Variants in SEMA3G observed in about 807,000 individuals in gnomAD.
SEMA3G encodes semaphorin 3G.
A neutral mutation model predicts 86.2 loss-of-function variants in SEMA3G; 70 were observed. That is an observed-to-expected ratio of 0.81 (90% CI 0.67 to 0.99). SEMA3G has a LOEUF of 0.99. Among genes scored for constraint, SEMA3G ranks in the 50% least tolerant of loss-of-function variants. SEMA3G has a pLI of 0.00. For missense variants in SEMA3G, 1,002 were observed against 1,072.4 expected (o/e 0.93, Z 0.92); for synonymous variants, 416 against 441.4 (o/e 0.94, Z 0.72).
intron 7 of SEMA3G, 74 bp downstream of exon 7, chr3:52,441,190 G>A (rs185127318): frequency 2.6e-6 from 4 of 1,560,128 alleles, no homozygotes; most frequent in East Asian, 2.2e-5. Flanking sequence ...CTGGCCAGGG[G>A]TGGGGGGAGA....
In SEMA3G at chr3:52,435,614, C is replaced by T; in HGVS notation, c.2338G>A (p.Glu780Lys). 1 of 1,611,186 alleles carries T rather than the reference C, an allele frequency of 6.2e-7. No homozygotes were observed. The highest frequency in any genetic ancestry group is 8.5e-7 in the Non-Finnish European group (1 of 1,178,042). Residue 780 changes from glutamate (E) to lysine (K), a missense_variant, in exon 16 of 16, where the codon GAG (glutamate) becomes AAG (lysine). Physicochemically the swap from Glu to Lys is moderately conservative, Grantham distance 56. Coordinates refer to ENST00000231721, the MANE Select transcript of SEMA3G (RefSeq NM_020163.3). ...AEHNRTPREV[E>K]AT ...TCCTCTGCCCCCTTCTACGTGGCCT[C>T]CACCTCCCGGGGCGTCCGATTGTGC...
intron 15 of SEMA3G, among the ~76,000 whole-genome samples, 169 bp downstream of exon 15, chr3:52,437,358 A>G (rs1485611404): frequency 2.0e-5 from 3 of 152,204 alleles, no homozygotes; most frequent in Admixed American, 1.3e-4. Context: ...CAAAAGGCAA[A>G]AATAGGGCAC....
rs1263569926 is a variant in SEMA3G at position 52,439,680 on chromosome 3, C to T, written c.1467G>A (p.Lys489=). Residue 489 remains lysine (K), a splice_region_variant and synonymous_variant, in exon 12 of 16, where the codon AAG becomes AAA. Coordinates refer to ENST00000231721, the MANE Select transcript of SEMA3G (RefSeq NM_020163.3). ...EVVLEELQVF[K]VPTPITEMEI... Reference sequence around the variant, plus strand: ...ACCCTTCCATCAGCCCCTTGCTTACCTTAAACACCTGGAGCTCCTCCAGAA... The same window carrying T: ...ACCCTTCCATCAGCCCCTTGCTTACTTTAAACACCTGGAGCTCCTCCAGAA... 3.7e-6 allele frequency: 6 copies of T among 1,613,430 alleles called. No individual in the cohort carries two copies. Among genetic ancestry groups the T allele is most frequent in the Non-Finnish European group, 5.1e-6 (6 of 1,179,598 alleles).
At chr3:52,436,887 G>A (rs1310411554) in intron 15 of SEMA3G, among the ~76,000 whole-genome samples, 1 of 152,186 alleles carries the variant, frequency 6.6e-6, no homozygotes, top group East Asian at 1.9e-4. Flanking sequence ...GCTGGAGGGA[G>A]AGCCCCTCCT....
At chr3:52,436,859 G>A (rs1415212452) in intron 15 of SEMA3G, among the ~76,000 whole-genome samples, 1 of 152,204 alleles carries the variant, frequency 6.6e-6, no homozygotes, top group Non-Finnish European at 1.5e-5. Context: ...CCCAAGGCTG[G>A]CCTCCCCCAG....
Position 52,438,012 on chromosome 3 carries a change from T to C in SEMA3G, c.1697A>G (p.His566Arg), listed in dbSNP as rs1053140567. 2.5e-6 allele frequency: 4 copies of C among 1,612,850 alleles called. No homozygotes were observed. Among genetic ancestry groups the C allele is most frequent in the Admixed American group, 1.7e-5 (1 of 59,992 alleles). ...KRRFRRQDIR[H>R]GNPALQCLGQ... ...CAGGCACTGCAGGGCAGGGTTGCCG[T>C]GCCGGATGTCCTGCCGGCGGAACCG... Residue 566 changes from histidine to arginine, a missense_variant, in exon 14 of 16, where the codon CAC becomes CGC. Transcript: ENST00000231721.
rs112598572 is a variant in SEMA3G at position 52,440,216 on chromosome 3, T to C, written c.1144-118A>G. The C allele has an allele frequency of 3.4e-5, 41 of 1,198,694 alleles. 2 individuals are homozygous for C. Among genetic ancestry groups the C allele is most frequent in the African/African-American group, 3.2e-4 (21 of 65,120 alleles). The allele number at this position is 1,198,694 out of a possible 1,614,324, so 74.3% of individuals were successfully genotyped here. A position where few individuals can be genotyped will look rare whatever the true frequency, so the allele number is the denominator to read the frequency against. On this transcript the variant is annotated intron_variant, in intron 10 of 15. Coordinates refer to ENST00000231721, the MANE Select transcript of SEMA3G (RefSeq NM_020163.3). ...CTCTCACTGCAGGAGGGCTCTCCTC[T>C]TCCACTACACCCACCCCACCCCACC...
chr3:52,441,400 A>G lies in SEMA3G; in HGVS notation c.677T>C (p.Phe226Ser). 6.2e-7 allele frequency: 1 copy of G among 1,613,552 alleles called. No individual in the cohort carries two copies. Among genetic ancestry groups the G allele is most frequent in the East Asian group, 2.2e-5 (1 of 44,868 alleles). Residue 226 changes from phenylalanine (F) to serine (S), a missense_variant, in exon 7 of 16, where the codon TTT becomes TCT. Transcript: ENST00000231721. The stretch of plus-strand genomic sequence containing the variant: ...CTCAGGGATCCGGGCGGCCATCACA[A>G]ACCGGGGGTCTGGAAGGGTGACAGG... Reference protein sequence around the residue: ...SDQSLLHDPRFVMAARIPENS... With the variant: ...SDQSLLHDPRSVMAARIPENS...
rs1034226112 is a variant in SEMA3G at position 52,435,863 on chromosome 3, C to T, written c.2089G>A (p.Gly697Ser). 19 of 1,614,014 alleles carry T rather than the reference C, an allele frequency of 1.2e-5. No individual in the cohort carries two copies. The highest frequency in any genetic ancestry group is 1.6e-5 in the Non-Finnish European group (19 of 1,180,022). Residue 697 changes from glycine to serine, a missense_variant, in exon 16 of 16, where the codon GGC becomes AGC. Physicochemically the swap from Gly to Ser is moderately conservative, Grantham distance 56 (BLOSUM62 0). Transcript: ENST00000231721. ...PKPEEPPARG[G>S]LASTPPKAWY... The stretch of plus-strand genomic sequence containing the variant: ...GCCTTGGGTGGGGTGGAAGCCAGGC[C>T]TCCCCGGGCTGGGGGCTCCTCTGGC...
At chr3:52,441,461 G>A in intron 6 of SEMA3G, 52 bp from the exon 7 acceptor site, 2 of 1,603,668 alleles carry the variant, frequency 1.2e-6, no homozygotes, top group South Asian at 2.2e-5. Context: ...AGGGGAGGAT[G>A]GGAGTAGAAC....
intron 15 of SEMA3G, 136 bp downstream of exon 15, chr3:52,437,391 C>A (rs920363653): frequency 1.1e-6 from 1 of 945,026 alleles, no homozygotes; most frequent in East Asian, 2.5e-5. Context: ...ACCCCAGGAG[C>A]CTAATACAAA....
chr3:52,442,281 C>A lies in SEMA3G; in HGVS notation c.363G>T (p.Arg121=). The A allele has an allele frequency of 6.2e-7, 1 of 1,613,918 alleles. No individual in the cohort carries two copies. The highest frequency in any genetic ancestry group is 1.1e-5 in the South Asian group (1 of 91,082). ...DPLTECANFV[R]VLQPHNRTHL... The stretch of plus-strand genomic sequence containing the variant: ...GGGTCCGGTTGTGAGGCTGTAGCAC[C>A]CGCACGAAGTTGGCGCACTCTGTCT... Residue 121 remains arginine, a synonymous_variant, in exon 4 of 16, where the codon CGG becomes CGT. Coordinates refer to ENST00000231721, the MANE Select transcript of SEMA3G (RefSeq NM_020163.3). The surrounding 1 kb of genome is among the most constrained non-coding windows in gnomAD (Gnocchi z 6.1).
chr3:52,443,773 G>A (rs1004806821), intron 1 of SEMA3G, among the ~76,000 whole-genome samples: 5 of 152,138 alleles, frequency 3.3e-5, no homozygotes, highest in Non-Finnish European at 7.4e-5. Context: ...TGACCTCCCC[G>A]CAAAACCACA....
intron 11 of SEMA3G, 42 bp from the exon 12 acceptor site, chr3:52,439,813 G>A: frequency 6.2e-7 from 1 of 1,609,690 alleles, no homozygotes; most frequent in Non-Finnish European, 8.5e-7. Flanking sequence ...GGAGGGGACA[G>A]CCAGAGACCC....
chr3:52,437,732 G>C, intron 14 of SEMA3G, 66 bp from the exon 15 acceptor site: 1 of 1,543,866 alleles, frequency 6.5e-7, no homozygotes, highest in Non-Finnish European at 8.8e-7. Context: ...GCCACCACCT[G>C]ACACCACAGC....
chr3:52,441,492 G>T, intron 6 of SEMA3G, 82 bp downstream of exon 6: 1 of 1,582,046 alleles, frequency 6.3e-7, no homozygotes, highest in Admixed American at 1.7e-5. Context: ...GAGGAATGGG[G>T]CAGGGGACTC....
At chr3:52,437,848 G>T in intron 14 of SEMA3G, 123 bp downstream of exon 14, 1 of 1,113,588 alleles carries the variant, frequency 9.0e-7, no homozygotes, top group Non-Finnish European at 1.3e-6. Context: ...GCTACACAGA[G>T]AGGGAAACTG....
rs372873527 is a variant in SEMA3G, at chr3:52,437,508, C to T, written c.1878+19G>A. On this transcript the variant is annotated intron_variant, in intron 15 of 15. Transcript: ENST00000231721. ...CCTCAGGACACACAGAGGCTAGAGG[C>T]AGGGGTCTCCTCACTCACCTGGTCA... 3.9e-5 allele frequency: 63 copies of T among 1,605,298 alleles called. No homozygotes were observed. In the African/African-American group the frequency reaches 7.5e-4, roughly 19 times the overall value.
At chr3:52,436,985 T>C (rs1444705738) in intron 15 of SEMA3G, among the ~76,000 whole-genome samples, 1 of 152,184 alleles carries the variant, frequency 6.6e-6, no homozygotes, top group East Asian at 1.9e-4. Context: ...CTGGGGTTGA[T>C]AGACCTTTCC....
Sources: gnomAD v4.1 joint callset for allele counts (sites outside exome capture counted in the v4.1 genomes callset) on GRCh38, gnomAD v4.1.1 for gene constraint, Gnocchi (gnomAD v3.1) non-coding constraint, MANE v1.5 for transcripts, NCBI Gene and HGNC (gene_info 2026-07-23, HGNC 2026-07-21) for gene names.